The following PSD3 variants were observed in gnomAD, a reference collection of about 807,000 sequenced individuals.
PSD3 encodes the protein pleckstrin and Sec7 domain containing 3.
A neutral mutation model predicts 105.5 loss-of-function variants in PSD3; 49 were observed. The ratio of observed to expected loss-of-function variants is 0.46; its 90% CI spans 0.37 to 0.59. The LOEUF (loss-of-function observed/expected upper bound fraction) is 0.59. PSD3 is among the 20% of genes least tolerant of loss of function. The probability of loss-of-function intolerance (pLI) is 0.00; values close to 1 mark genes in which losing one functional copy is unlikely to be tolerated. For synonymous variants in PSD3, 557 were observed against 457.8 expected (o/e 1.22, Z -2.77); for missense variants, 1,561 against 1,263.8 (o/e 1.24, Z -3.57).
intron 2 of PSD3, among the ~76,000 whole-genome samples, chr8:18,929,566 C>T (rs898381131): frequency 5.3e-5 from 8 of 152,122 alleles, no homozygotes; most frequent in East Asian, 1.9e-4. Flanking sequence ...CACCCCACCT[C>T]GTAGAAACCC....
intron 9 of PSD3, among the ~76,000 whole-genome samples, chr8:18,745,631 T>C (rs926662797): frequency 6.6e-6 from 1 of 152,220 alleles, no homozygotes; most frequent in Non-Finnish European, 1.5e-5. Flanking sequence ...GTGAACAGTA[T>C]TTAGAAACCA....
intron 1 of PSD3, among the ~76,000 whole-genome samples, chr8:18,938,627 C>CAA (rs35017140): frequency 3.7e-5 from 4 of 109,466 alleles, no homozygotes; most frequent in Non-Finnish European, 3.9e-5. Context: ...CCGTCTCAAA[C>CAA]AAAAAAAAAA....
intron 1 of PSD3, among the ~76,000 whole-genome samples, chr8:18,940,941 G>A (rs529043727): frequency 1.3e-5 from 2 of 152,240 alleles, no homozygotes; most frequent in African/African-American, 4.8e-5. Context: ...ACCTGCACTG[G>A]GGGGTTATTC....
At chr8:18,990,420 T>C (rs1056887067) in intron 1 of PSD3, among the ~76,000 whole-genome samples, 4 of 152,256 alleles carry the variant, frequency 2.6e-5, no homozygotes, top group Admixed American at 2.6e-4. Flanking sequence ...CGCTCTTTTC[T>C]GCCCATGGCC....
chr8:18,663,570 TA>T (rs560981593), intron 9 of PSD3, among the ~76,000 whole-genome samples: 43 of 152,358 alleles, frequency 2.8e-4, no homozygotes, highest in African/African-American at 1.0e-3. Flanking sequence ...CAATAAGATG[TA>T]TTCAAACACA....
intron 1 of PSD3, among the ~76,000 whole-genome samples, chr8:18,943,895 A>G (rs1301375983): frequency 1.3e-5 from 2 of 151,952 alleles, no homozygotes; most frequent in African/African-American, 4.8e-5. Context: ...TCACCATGCA[A>G]GCAGGAGACC....
intron 7 of PSD3, among the ~76,000 whole-genome samples, chr8:18,800,732 A>G (rs143379310): frequency 4.6e-5 from 7 of 152,358 alleles, no homozygotes; most frequent in African/African-American, 1.7e-4. Context: ...GTTTGTGGTC[A>G]GTATAGTACA....
intron 2 of PSD3, among the ~76,000 whole-genome samples, chr8:18,895,084 G>A (rs180897747): frequency 5.8e-4 from 88 of 152,300 alleles, no homozygotes; most frequent in Non-Finnish European, 7.4e-5. Context: ...ATCCTGCACT[G>A]AGGACAGAGT....
intron 9 of PSD3, among the ~76,000 whole-genome samples, chr8:18,739,707 A>C (rs1029367281): frequency 2.6e-5 from 4 of 152,188 alleles, no homozygotes; most frequent in Non-Finnish European, 4.4e-5. Flanking sequence ...TATATATTTG[A>C]GGATACAAAG....
chr8:18,988,044 C>T (rs1286543322), intron 1 of PSD3, among the ~76,000 whole-genome samples: 2 of 151,962 alleles, frequency 1.3e-5, no homozygotes, highest in Non-Finnish European at 2.9e-5. Context: ...ATACTTGAAT[C>T]CCTTGCATTT....
intron 1 of PSD3, among the ~76,000 whole-genome samples, chr8:19,053,705 T>C (rs918210764): frequency 1.3e-5 from 2 of 151,954 alleles, no homozygotes; most frequent in African/African-American, 2.4e-5. Context: ...GGCAGGAGAA[T>C]TGCAGTGAGA....
chr8:19,029,453 A>T (rs1827680402), intron 1 of PSD3, among the ~76,000 whole-genome samples: 1 of 152,306 alleles, frequency 6.6e-6, no homozygotes, highest in South Asian at 2.1e-4. Context: ...ATTGAATCAC[A>T]GTTCAGCATG....
At chr8:18,814,935 T>A (rs1231084003) in intron 4 of PSD3, among the ~76,000 whole-genome samples, 6 of 152,228 alleles carry the variant, frequency 3.9e-5, no homozygotes, top group African/African-American at 7.2e-5. Flanking sequence ...AGACATGCCT[T>A]ATGTGGATAA....
chr8:18,717,810 A>G (rs1462768779), intron 9 of PSD3, among the ~76,000 whole-genome samples: 1 of 152,170 alleles, frequency 6.6e-6, no homozygotes, highest in Non-Finnish European at 1.5e-5. Flanking sequence ...AATCTGAACT[A>G]TTCATTTTCT....
At chr8:18,845,825 G>C (rs1815044765) in intron 4 of PSD3, among the ~76,000 whole-genome samples, 1 of 152,192 alleles carries the variant, frequency 6.6e-6, no homozygotes, top group Admixed American at 6.5e-5. Context: ...TGGTCACTTA[G>C]TCTCAGGATT....
intron 9 of PSD3, among the ~76,000 whole-genome samples, chr8:18,708,348 A>G (rs1802026322): frequency 6.6e-6 from 1 of 152,176 alleles, no homozygotes; most frequent in Non-Finnish European, 1.5e-5. Context: ...GCTCAATACA[A>G]GGGTGATTAA....
intron 9 of PSD3, among the ~76,000 whole-genome samples, chr8:18,753,514 T>C (rs1233267744): frequency 1.3e-5 from 2 of 152,050 alleles, no homozygotes; most frequent in Non-Finnish European, 2.9e-5. Flanking sequence ...AAAACAACAA[T>C]TTAGCACAAA....
At chr8:19,017,599 T>C (rs1164906682), upstream of PSD3, among the ~76,000 whole-genome samples, 1 of 152,182 alleles carries the variant, frequency 6.6e-6, no homozygotes, top group African/African-American at 2.4e-5. Flanking sequence ...CAAACACTAA[T>C]TTACTTTCTG....
At chr8:19,015,830 C>T (rs748227582), upstream of PSD3, among the ~76,000 whole-genome samples, 1 of 152,204 alleles carries the variant, frequency 6.6e-6, no homozygotes, top group African/African-American at 2.4e-5. Flanking sequence ...ATAAGTGAAG[C>T]CACAGAAATG....
Sources: allele counts gnomAD v4.1 joint callset (sites outside exome capture counted in the v4.1 genomes callset), GRCh38; gene constraint gnomAD v4.1.1; transcripts MANE v1.5; gene names NCBI Gene and HGNC (gene_info 2026-07-23, HGNC 2026-07-21).